Variants in FBXO11 observed in about 807,000 individuals in gnomAD.
The protein encoded by FBXO11 is F-box protein 11, also known as F-box only protein 11.
A neutral mutation model predicts 117.0 loss-of-function variants in FBXO11; 13 were observed. The observed-to-expected ratio is 0.11, with a 90% CI of 0.07 to 0.18. The LOEUF is 0.18. Ranked by LOEUF, FBXO11 falls within the 10% of genes least tolerant of loss-of-function variation. The pLI, the probability that FBXO11 is intolerant of heterozygous loss-of-function variation, is 1.00. For synonymous variants in FBXO11, 490 were observed against 380.5 expected (o/e 1.29, Z -3.35); for missense variants, 767 against 1,164.4 (o/e 0.66, Z 4.97).
At chr2:47,881,325 T>A (rs76418308) in intron 1 of FBXO11, among the ~76,000 whole-genome samples, 4 of 152,104 alleles carry the variant, frequency 2.6e-5, no homozygotes, top group Non-Finnish European at 5.9e-5. Flanking sequence ...TATATAAGAA[T>A]TTTTTTTCAC....
chr2:47,864,360 GGCA>G (rs1162117343), intron 1 of FBXO11, among the ~76,000 whole-genome samples: 2 of 152,226 alleles, frequency 1.3e-5, no homozygotes, highest in African/African-American at 4.8e-5. Flanking sequence ...GGCCAGGGCA[GGCA>G]GATCACCTGA....
chr2:47,870,392 G>T (rs750658163), intron 1 of FBXO11, among the ~76,000 whole-genome samples: 6 of 152,134 alleles, frequency 3.9e-5, no homozygotes, highest in Non-Finnish European at 7.4e-5. Context: ...TGTGAACGTG[G>T]CCATATTTGG....
At chr2:47,837,601 A>G (rs1299404985) in intron 4 of FBXO11, among the ~76,000 whole-genome samples, 2 of 152,254 alleles carry the variant, frequency 1.3e-5, no homozygotes, top group African/African-American at 4.8e-5. Flanking sequence ...TAACCGTTGT[A>G]AAACAAAGAA....
intron 21 of FBXO11, 107 bp from the exon 22 acceptor site, chr2:47,808,534 A>C (rs2710163): frequency 1.1e-6 from 1 of 900,522 alleles, no homozygotes. Context: ...GGACCAAAAC[A>C]AAATTCTTTG....
chr2:47,810,189 C>T (rs1320640672), intron 19 of FBXO11, 127 bp downstream of exon 19: 2 of 602,250 alleles, frequency 3.3e-6, no homozygotes, highest in African/African-American at 1.9e-5. Flanking sequence ...AGTGAATGAA[C>T]AGGCATTCAG....
chr2:47,853,704 A>T (rs985028904), intron 1 of FBXO11, among the ~76,000 whole-genome samples: 2 of 152,188 alleles, frequency 1.3e-5, no homozygotes, highest in Admixed American at 1.3e-4. Flanking sequence ...AATTACTGTG[A>T]AGATTAAGTA....
At chr2:47,865,228 C>T (rs1160162525) in intron 1 of FBXO11, among the ~76,000 whole-genome samples, 1 of 152,150 alleles carries the variant, frequency 6.6e-6, no homozygotes, top group African/African-American at 2.4e-5. Flanking sequence ...GGTGATAGAA[C>T]CCAGATTTTA....
At position 47,900,665 on chromosome 2, in the gene FBXO11, TACGTATATACACACGTATACACAC is replaced by T. The variant is rs1558486816; in HGVS notation, c.232+4800_232+4823del. Among the ~76,000 whole-genome samples the T allele has an allele frequency of 7.8e-4, 52 of 66,938 alleles. 3 individuals are homozygous for T. Among genetic ancestry groups the T allele is most frequent in the African/African-American group, 2.2e-3 (47 of 21,550 alleles). The allele number at this position is 66,938 out of a possible 152,430, so 43.9% of individuals were successfully genotyped here. A position where few individuals can be genotyped will look rare whatever the true frequency, so the allele number is the denominator to read the frequency against. ...GTATATACACACGTATACACACACG[TACGTATATACACACGTATACACAC>T]ACGTATACACACACGTGTATATATA... On this transcript the variant is annotated intron_variant, in intron 1 of 22. Transcript: ENST00000403359.
intron 18 of FBXO11, 157 bp from the exon 19 acceptor site, chr2:47,810,583 A>G: frequency 1.9e-6 from 1 of 529,862 alleles, no homozygotes; most frequent in Non-Finnish European, 3.3e-6. Context: ...AGCAATTCAG[A>G]GGTATTAAGG....
chr2:47,898,796 C>T (rs922854549), intron 1 of FBXO11, among the ~76,000 whole-genome samples: 6 of 152,040 alleles, frequency 3.9e-5, no homozygotes, highest in Admixed American at 2.0e-4. Context: ...TATTGCATCC[C>T]CTGAAAGTTA....
chr2:47,842,252 G>C (rs1673071327), intron 1 of FBXO11, among the ~76,000 whole-genome samples: 1 of 151,954 alleles, frequency 6.6e-6, no homozygotes, highest in African/African-American at 2.4e-5. Flanking sequence ...TTGACCTCGT[G>C]ATCTGCCCGC....
chr2:47,844,583 TTCC>T (rs1673264714), intron 1 of FBXO11, among the ~76,000 whole-genome samples: 1 of 152,220 alleles, frequency 6.6e-6, no homozygotes, highest in South Asian at 2.1e-4. Context: ...CCTATGAATT[TTCC>T]TCCTCTTCTT....
At chr2:47,872,783 T>C (rs1675719287) in intron 1 of FBXO11, among the ~76,000 whole-genome samples, 1 of 152,246 alleles carries the variant, frequency 6.6e-6, no homozygotes, top group South Asian at 2.1e-4. Context: ...CCTGTTAAGC[T>C]GGCCATTAGA....
At chr2:47,879,028 T>C (rs1165256038) in intron 1 of FBXO11, among the ~76,000 whole-genome samples, 1 of 152,118 alleles carries the variant, frequency 6.6e-6, no homozygotes, top group African/African-American at 2.4e-5. Flanking sequence ...TCCTCTCCCC[T>C]TTCTCCAGGT....
intron 12 of FBXO11, 118 bp downstream of exon 12, chr2:47,823,025 T>C (rs1204093227): frequency 2.4e-5 from 15 of 631,072 alleles, no homozygotes; most frequent in Non-Finnish European, 3.7e-5. Context: ...TAGGAAAATC[T>C]ATTTTATAGT....
In FBXO11 at chr2:47,822,280, T is replaced by C. The variant is rs1346547493; in HGVS notation, c.1640A>G (p.Asn547Ser). Residue 547 changes from asparagine to serine, a missense_variant, in exon 13 of 23, where the codon AAT becomes AGT. Transcript: ENST00000403359. The part of the protein sequence containing the change: ...TIRGNSIFNG[N>S]QGGVYIFGDG... ...ACCAAAGATGTAAACTCCTCCTTGA[T>C]TTCCATTAAATATAGAATTTCCCCT... 3 of 1,593,546 alleles carry C rather than the reference T, an allele frequency of 1.9e-6. No homozygotes were observed. Among genetic ancestry groups the C allele is most frequent in the Non-Finnish European group, 2.6e-6 (3 of 1,169,674 alleles).
At chr2:47,808,662 C>A (rs557610849) in intron 21 of FBXO11, 63 of 412,122 alleles carry the variant, frequency 1.5e-4, no homozygotes, top group Non-Finnish European at 2.4e-4. Flanking sequence ...GCAGTTCTTT[C>A]CACTTTAAAA....
intron 1 of FBXO11, among the ~76,000 whole-genome samples, chr2:47,858,875 C>A (rs1281434954): frequency 6.6e-6 from 1 of 150,508 alleles, no homozygotes; most frequent in African/African-American, 2.4e-5. Context: ...CCCGTCTCTA[C>A]TAAAAATACA....
intron 1 of FBXO11, among the ~76,000 whole-genome samples, chr2:47,898,509 C>A (rs960331318): frequency 6.6e-6 from 1 of 152,104 alleles, no homozygotes; most frequent in Non-Finnish European, 1.5e-5. Context: ...CAGTTAATAC[C>A]CTTTATTCAT....
Sources: allele counts gnomAD v4.1 joint callset (sites outside exome capture counted in the v4.1 genomes callset), GRCh38; gene constraint gnomAD v4.1.1; transcripts MANE v1.5; gene names NCBI Gene and HGNC (gene_info 2026-07-23, HGNC 2026-07-21).